The following DEUP1 variants were observed in gnomAD, a reference collection of about 807,000 sequenced individuals.
DEUP1 encodes the protein deuterosome assembly protein 1.
In DEUP1, 82 loss-of-function variants were observed where a neutral mutation model predicts 87.4. That is an observed-to-expected ratio of 0.94 (90% CI 0.78 to 1.13). DEUP1 has a LOEUF of 1.13. Among genes scored for constraint, DEUP1 ranks in the 50% most tolerant of loss-of-function variants. The pLI, the probability that DEUP1 is intolerant of heterozygous loss-of-function variation, is 0.00. For missense variants in DEUP1, 663 were observed against 681.5 expected, an observed-to-expected ratio of 0.97 and a Z score of 0.30; for synonymous variants, 214 against 222.7, an observed-to-expected ratio of 0.96 and a Z score of 0.35.
At chr11:93,375,285 C>G (rs1298483161) in intron 7 of DEUP1, among the ~76,000 whole-genome samples, 1 of 152,038 alleles carries the variant, frequency 6.6e-6, no homozygotes, top group African/African-American at 2.4e-5. Context: ...CCCTTTATTT[C>G]TTTCTCTTGT....
At chr11:93,352,890 C>T (rs977026519) in intron 2 of DEUP1, among the ~76,000 whole-genome samples, 3 of 152,150 alleles carry the variant, frequency 2.0e-5, no homozygotes, top group African/African-American at 7.2e-5. Context: ...CTGGGAGATA[C>T]AATTCAAGTT....
intron 2 of DEUP1, among the ~76,000 whole-genome samples, chr11:93,343,104 A>G (rs1021196637): frequency 1.3e-5 from 2 of 152,218 alleles, no homozygotes; most frequent in African/African-American, 4.8e-5. Context: ...CAGATACACA[A>G]TTAGAAGTTA....
At chr11:93,340,078 G>A (rs1337521009) in intron 2 of DEUP1, among the ~76,000 whole-genome samples, 1 of 152,088 alleles carries the variant, frequency 6.6e-6, no homozygotes, top group East Asian at 1.9e-4. Context: ...GCTCTGCGAT[G>A]GTATCAGAGA....
At chr11:93,374,761 C>T (rs1247375569) in intron 7 of DEUP1, among the ~76,000 whole-genome samples, 2 of 151,938 alleles carry the variant, frequency 1.3e-5, no homozygotes, top group African/African-American at 2.4e-5. Context: ...GCTATGCAGG[C>T]TCTTTTTTTG....
intron 9 of DEUP1, among the ~76,000 whole-genome samples, chr11:93,389,435 G>A (rs565975214): frequency 2.6e-5 from 4 of 152,050 alleles, no homozygotes; most frequent in African/African-American, 4.8e-5. Context: ...AACCACACAC[G>A]TAAGCTTGGA....
intron 8 of DEUP1, among the ~76,000 whole-genome samples, chr11:93,388,099 T>A (rs958799486): frequency 9.2e-5 from 14 of 152,166 alleles, no homozygotes; most frequent in Non-Finnish European, 1.5e-4. Context: ...CTCAGGGATA[T>A]CACTACCAAC....
In DEUP1 at chr11:93,428,947, G is replaced by A. The variant is rs192932527; in HGVS notation, c.1639-8596G>A. Among the ~76,000 whole-genome samples, 3 of 152,260 alleles carry A rather than the reference G, an allele frequency of 2.0e-5. No individual in the cohort carries two copies. In the East Asian group the frequency reaches 5.8e-4, roughly 29 times the overall value. On this transcript the variant is annotated intron_variant, in intron 13 of 13. Coordinates refer to ENST00000298050, the MANE Select transcript of DEUP1 (RefSeq NM_181645.4). ...TCAGTGTGTAGTAAGATCCTATTGT[G>A]TGGTTTTAATTCATGTTTCTCTGGT...
intron 12 of DEUP1, 47 bp downstream of exon 12, chr11:93,408,474 T>C (rs779048990): frequency 1.7e-6 from 2 of 1,172,894 alleles, no homozygotes; most frequent in African/African-American, 1.6e-5. Context: ...AAACATGTAA[T>C]TAAAATTTAT....
At chr11:93,394,421 A>T in intron 9 of DEUP1, 38 bp from the exon 10 acceptor site, 1 of 1,443,576 alleles carries the variant, frequency 6.9e-7, no homozygotes, top group Non-Finnish European at 9.2e-7. Flanking sequence ...CTATAAATAA[A>T]AGGATTCAAT....
At position 93,371,139 on chromosome 11, in the gene DEUP1, T is replaced by C. The variant is rs770819634; in HGVS notation, c.648T>C (p.Asn216=). The part of the protein sequence containing the change: ...IPRLICDPDP[N]CEINERDEFI... ...GTTTGATATGTGACCCAGATCCCAA[T>C]TGTGAAATCAATGAAAGAGATGAGT... Residue 216 remains asparagine, a synonymous_variant, in exon 7 of 14, where the codon AAT becomes AAC. Coordinates refer to ENST00000298050, the MANE Select transcript of DEUP1 (RefSeq NM_181645.4). 4.3e-6 allele frequency: 7 copies of C among 1,613,194 alleles called. No homozygotes were observed. Among genetic ancestry groups the C allele is most frequent in the South Asian group, 1.1e-5 (1 of 90,956 alleles).
rs770464650 is a variant in DEUP1, at chr11:93,355,522, T to C, written c.181T>C (p.Leu61=). Residue 61 remains leucine (L), a synonymous_variant, in exon 3 of 14, where the codon TTG becomes CTG. Transcript: ENST00000298050. ...AGAATTGGCAAATGCACAAACTTGT[T>C]TGGATCAGAAAGGTCAAGAGGTACT... is the stretch of plus-strand genomic sequence containing the variant. ...DQELANAQTC[L]DQKGQEVGLL... 2 of 1,613,684 alleles carry C rather than the reference T, an allele frequency of 1.2e-6. No homozygotes were observed. The highest frequency in any genetic ancestry group is 2.2e-5 in the South Asian group (2 of 91,034).
chr11:93,384,628 C>T (rs2134319966), intron 7 of DEUP1, among the ~76,000 whole-genome samples: 1 of 152,310 alleles, frequency 6.6e-6, no homozygotes, highest in South Asian at 2.1e-4. Context: ...GAATAGCTGC[C>T]ATTGGGCAAG....
At chr11:93,387,348 T>A (rs12276820) in intron 8 of DEUP1, among the ~76,000 whole-genome samples, 38,329 of 152,060 alleles carry the variant, frequency 0.25, 5,183 homozygotes, top group Middle Eastern at 0.38. Flanking sequence ...AGACTACTGA[T>A]AATAGATGCA....
chr11:93,419,280 G>A (rs1410994503), intron 13 of DEUP1, among the ~76,000 whole-genome samples: 1 of 152,010 alleles, frequency 6.6e-6, no homozygotes. Flanking sequence ...TACAGCTTCA[G>A]GAAAGCAGAT....
At chr11:93,410,645 G>C (rs910216823) in intron 12 of DEUP1, among the ~76,000 whole-genome samples, 1 of 152,194 alleles carries the variant, frequency 6.6e-6, no homozygotes, top group African/African-American at 2.4e-5. Context: ...TTTCCTGTTC[G>C]TGCTAGTTGA....
chr11:93,433,969 C>A (rs1948169892), intron 13 of DEUP1, among the ~76,000 whole-genome samples: 1 of 152,158 alleles, frequency 6.6e-6, no homozygotes, highest in South Asian at 2.1e-4. Flanking sequence ...TGCAGCCTCC[C>A]AGGTGAGGCA....
rs559424882 is a variant in DEUP1, at chr11:93,390,556, C to CA, written c.1041+1432dup. ...AAAAACTCTTTTTTACTGGTGTCCC[C>CA]AGTGAATGATAAAAGATTGGTTAAA... On this transcript the variant is annotated intron_variant, in intron 9 of 13. Transcript: ENST00000298050. Among the ~76,000 whole-genome samples the CA allele has an allele frequency of 3.3e-5, 5 of 152,154 alleles. No individual in the cohort carries two copies. In the South Asian group the frequency reaches 1.0e-3, roughly 32 times the overall value.
At chr11:93,416,091 C>T (rs779593528) in intron 13 of DEUP1, among the ~76,000 whole-genome samples, 12 of 152,074 alleles carry the variant, frequency 7.9e-5, no homozygotes, top group Admixed American at 4.6e-4. Flanking sequence ...CCTGTAGGAG[C>T]CAATGAATAT....
chr11:93,437,157 G>A (rs1233134039), intron 13 of DEUP1, among the ~76,000 whole-genome samples: 1 of 152,138 alleles, frequency 6.6e-6, no homozygotes, highest in African/African-American at 2.4e-5. Context: ...TCTATAAACT[G>A]TCTAGTGCAA....
Sources: allele counts gnomAD v4.1 joint callset (sites outside exome capture counted in the v4.1 genomes callset), GRCh38; gene constraint gnomAD v4.1.1; transcripts MANE v1.5; gene names NCBI Gene and HGNC (gene_info 2026-07-23, HGNC 2026-07-21).